The following STK24 variants were observed in gnomAD, a reference collection of about 807,000 sequenced individuals.
The protein encoded by STK24 is serine/threonine-protein kinase 24.
In STK24, 21 loss-of-function variants were observed where a neutral mutation model predicts 55.6. That is an observed-to-expected ratio of 0.38 (90% CI 0.27 to 0.54). The LOEUF is 0.54. STK24 is among the 20% of genes least tolerant of loss of function. The probability of loss-of-function intolerance (pLI) is 0.79; values close to 1 mark genes in which losing one functional copy is unlikely to be tolerated. For missense variants in STK24, 383 were observed against 538.4 expected (o/e 0.71, Z 2.86); for synonymous variants, 200 against 215.2 (o/e 0.93, Z 0.62).
At chr13:98,549,420 T>A (rs1423008967) in intron 1 of STK24, among the ~76,000 whole-genome samples, 1 of 152,062 alleles carries the variant, frequency 6.6e-6, no homozygotes, top group East Asian at 1.9e-4. Flanking sequence ...TGGTTGGAGG[T>A]CCCCTTCAAA....
chr13:98,466,484 C>G lies in STK24; in HGVS notation c.675G>C (p.Met225Ile). ...TCTTTGGAATGAGGAATAAAACTTT[C>G]ATGGGGTGCAGCTCGGAATGAGGTG... ...GEPPHSELHP[M>I]KVLFLIPKNN... Residue 225 changes from methionine (M) to isoleucine (I), a missense_variant, in exon 6 of 11, where the codon ATG becomes ATC. By Grantham distance (10) the Met-to-Ile change is conservative. Transcript: ENST00000539966. 6.2e-7 allele frequency: 1 copy of G among 1,614,128 alleles called. No homozygotes were observed. The highest frequency in any genetic ancestry group is 1.1e-5 in the South Asian group (1 of 91,088).
At chr13:98,536,972 G>C (rs1896754674) in intron 1 of STK24, among the ~76,000 whole-genome samples, 1 of 152,160 alleles carries the variant, frequency 6.6e-6, no homozygotes, top group African/African-American at 2.4e-5. Context: ...ACTGGCCGGA[G>C]CCCGCCCCTC....
chr13:98,484,618 C>T (rs930213962), intron 2 of STK24, among the ~76,000 whole-genome samples: 3 of 152,164 alleles, frequency 2.0e-5, no homozygotes, highest in African/African-American at 7.2e-5. Context: ...CTCCTCAGTT[C>T]GCTGCTCTCT....
At chr13:98,575,992 T>C in intron 1 of STK24, 1 of 984,174 alleles carries the variant, frequency 1.0e-6, no homozygotes, top group Non-Finnish European at 1.2e-6. Flanking sequence ...TGTCACCAAG[T>C]ACCGAAAGAG....
chr13:98,469,564 G>A (rs1321792816), intron 5 of STK24, among the ~76,000 whole-genome samples: 1 of 151,958 alleles, frequency 6.6e-6, no homozygotes, highest in South Asian at 2.1e-4. Context: ...AGGCGGCGGG[G>A]GGAGGACATC....
chr13:98,489,700 G>A (rs1894945978), intron 2 of STK24, among the ~76,000 whole-genome samples: 1 of 152,214 alleles, frequency 6.6e-6, no homozygotes, highest in African/African-American at 2.4e-5. Flanking sequence ...GCCTGGGGCA[G>A]GGGGTGTGTT....
intron 1 of STK24, among the ~76,000 whole-genome samples, chr13:98,562,966 A>G (rs975476790): frequency 2.7e-5 from 4 of 147,652 alleles, no homozygotes; most frequent in African/African-American, 8.0e-5. Flanking sequence ...AGAAAATAAC[A>G]TATTTTATAT....
intron 2 of STK24, among the ~76,000 whole-genome samples, chr13:98,503,246 C>A (rs951809948): frequency 1.3e-5 from 2 of 152,142 alleles, no homozygotes; most frequent in East Asian, 3.8e-4. Context: ...TATATGCACT[C>A]AAAGATGGCT....
rs962850846 is a variant in STK24, at chr13:98,448,156, G to C, written c.*5017C>G. ...ACCAGGCGGCCTGACTTCACCTTGT[G>C]TTTCTGTAAGCGATGCCCACCAAAG... On this transcript the variant is annotated 3_prime_UTR_variant, in exon 11 of 11. Transcript: ENST00000539966. 2 of 1,241,760 alleles carry C rather than the reference G, an allele frequency of 1.6e-6. No individual in the cohort carries two copies. Among genetic ancestry groups the C allele is most frequent in the South Asian group, 1.2e-5 (1 of 83,008 alleles). The allele number at this position is 1,241,760 out of a possible 1,614,324, so 76.9% of individuals were successfully genotyped here.
At chr13:98,502,871 T>C (rs542879278) in intron 2 of STK24, among the ~76,000 whole-genome samples, 1 of 152,240 alleles carries the variant, frequency 6.6e-6, no homozygotes, top group Non-Finnish European at 1.5e-5. Context: ...GCACTGGGAA[T>C]CCTAATTTCT....
intron 6 of STK24, among the ~76,000 whole-genome samples, chr13:98,464,376 G>A (rs574688088): frequency 1.1e-4 from 17 of 151,596 alleles, no homozygotes; most frequent in Admixed American, 3.3e-4. Context: ...CCGAGATCGC[G>A]CCACTGCACT....
At position 98,446,317 on chromosome 13, in the gene STK24, G is replaced by C. The variant is rs774147497; in HGVS notation, c.*6856C>G. On this transcript the variant is annotated 3_prime_UTR_variant, in exon 11 of 11. Transcript: ENST00000539966. Reference sequence around the variant, plus strand: ...AGGCCTCTTGGGCTCCAGGTGTCACGGGGATGACAGGGATGCTGGCGGGGG... The same window carrying C: ...AGGCCTCTTGGGCTCCAGGTGTCACCGGGATGACAGGGATGCTGGCGGGGG... The C allele has an allele frequency of 6.5e-5, 45 of 688,298 alleles. No homozygotes were observed. In the East Asian group the frequency reaches 1.2e-3, roughly 18 times the overall value. The allele number at this position is 688,298 out of a possible 1,614,324, so 42.6% of individuals were successfully genotyped here.
intron 5 of STK24, 60 bp downstream of exon 5, chr13:98,474,761 C>T (rs929843283): frequency 4.6e-6 from 7 of 1,531,668 alleles, no homozygotes; most frequent in African/African-American, 1.4e-5. Flanking sequence ...GGCTAAAGAA[C>T]AAAAGGCGGG....
chr13:98,483,577 T>G (rs1452557137), intron 2 of STK24, among the ~76,000 whole-genome samples: 4 of 152,096 alleles, frequency 2.6e-5, no homozygotes, highest in Non-Finnish European at 5.9e-5. Context: ...CCTTTTTGCT[T>G]TTGGAGGTTC....
rs1897926383 is a variant in STK24 at position 98,577,102 on chromosome 13, C to T, written c.-316G>A. On this transcript the variant is annotated 5_prime_UTR_variant, in exon 1 of 11. Coordinates refer to ENST00000539966, the MANE Select transcript of STK24 (RefSeq NM_001032296.4). This position sits in a 1 kb window ranked among gnomAD's most constrained non-coding sequence, Gnocchi z 4.1. ...GCCCGCGCGCGCTGGCCGCTGGAGC[C>T]GGAGTGGGCGCGCACAGCCCGCCGA... The T allele has an allele frequency of 6.8e-6, 1 of 146,026 alleles. No homozygotes were observed. Among genetic ancestry groups the T allele is most frequent in the South Asian group, 1.9e-4 (1 of 5,152 alleles). 9.0% of individuals were successfully genotyped at this position (146,026 alleles called of 1,614,324 possible). A position where few individuals can be genotyped will look rare whatever the true frequency, so the allele number is the denominator to read the frequency against.
chr13:98,507,788 G>A (rs1351000253), intron 2 of STK24, among the ~76,000 whole-genome samples: 1 of 152,162 alleles, frequency 6.6e-6, no homozygotes, highest in East Asian at 1.9e-4. Context: ...GAGTCAGGAA[G>A]GCGGGAGACA....
intron 1 of STK24, among the ~76,000 whole-genome samples, chr13:98,533,839 G>T (rs1896642282): frequency 6.6e-6 from 1 of 152,014 alleles, no homozygotes; most frequent in African/African-American, 2.4e-5. Flanking sequence ...AGCTCCGCAA[G>T]GTCACAGTGC....
Position 98,576,844 on chromosome 13 carries a change from G to C in STK24, c.-58C>G, listed in dbSNP as rs1198265794. 1 of 1,094,130 alleles carries C rather than the reference G, an allele frequency of 9.1e-7. No individual in the cohort carries two copies. The highest frequency in any genetic ancestry group is 5.2e-5 in the East Asian group (1 of 19,202). 67.8% of individuals were successfully genotyped at this position (1,094,130 alleles called of 1,614,324 possible). ...CGGCCGGGCCGCGACGATCCGCGCG[G>C]GGCGGCGAGGCCCGCGGGCCGCGCG... On this transcript the variant is annotated 5_prime_UTR_variant, in exon 1 of 11. Coordinates refer to ENST00000539966, the MANE Select transcript of STK24 (RefSeq NM_001032296.4).
At chr13:98,545,346 A>G (rs1238176987) in intron 1 of STK24, among the ~76,000 whole-genome samples, 1 of 152,240 alleles carries the variant, frequency 6.6e-6, no homozygotes, top group East Asian at 1.9e-4. Context: ...ACACGTGCAG[A>G]TCAAAAAGTG....
Sources: gnomAD v4.1 joint callset for allele counts (sites outside exome capture counted in the v4.1 genomes callset) on GRCh38, gnomAD v4.1.1 for gene constraint, Gnocchi (gnomAD v3.1) non-coding constraint, MANE v1.5 for transcripts, NCBI Gene and HGNC (gene_info 2026-07-23, HGNC 2026-07-21) for gene names.